The following CHM variants were observed in gnomAD, a reference collection of about 807,000 sequenced individuals.
CHM encodes the protein rab proteins geranylgeranyltransferase component A 1.
CHM carries 10 observed loss-of-function variants against 49.0 expected under a neutral mutation model. The ratio of observed to expected loss-of-function variants is 0.20; its 90% CI spans 0.13 to 0.35. CHM has a LOEUF of 0.35. Among genes scored for constraint, CHM ranks in the 10% least tolerant of loss-of-function variants. The pLI is 1.00. For missense variants in CHM, 455 were observed against 478.4 expected, an observed-to-expected ratio of 0.95 and a Z score of 0.46; for synonymous variants, 184 against 167.5, an observed-to-expected ratio of 1.10 and a Z score of -0.76.
At chrX:85,898,768 G>A (rs1474554059) in intron 11 of CHM, among the ~76,000 whole-genome samples, 1 of 111,904 alleles carries the variant, frequency 8.9e-6, no homozygotes, top group Non-Finnish European at 1.9e-5. Context: ...GCTCATACTT[G>A]TCACTCTGAA....
intron 12 of CHM, among the ~76,000 whole-genome samples, chrX:85,884,022 A>T (rs1177857832): frequency 1.8e-5 from 2 of 111,265 alleles, no homozygotes; most frequent in Non-Finnish European, 3.8e-5. Context: ...TTTACAAATG[A>T]CTTTAAAAGA....
chrX:85,912,672 C>T (rs1298774701), intron 8 of CHM, among the ~76,000 whole-genome samples: 1 of 111,223 alleles, frequency 9.0e-6, no homozygotes, highest in African/African-American at 3.3e-5. Context: ...GATCTTGAGA[C>T]TGGGAGATTA....
chrX:85,879,760 G>A (rs1341028941), intron 12 of CHM, among the ~76,000 whole-genome samples: 1 of 110,729 alleles, frequency 9.0e-6, no homozygotes, highest in Non-Finnish European at 1.9e-5. Context: ...TTGCAATAAA[G>A]GAGTAAAGGG....
chrX:86,022,138 C>T (rs1044526248), intron 2 of CHM, among the ~76,000 whole-genome samples: 2 of 111,756 alleles, frequency 1.8e-5, no homozygotes, highest in Non-Finnish European at 3.8e-5. Flanking sequence ...CTGAACACTG[C>T]TGAATTCTAT....
chrX:85,906,679 A>G (rs1171172921), intron 9 of CHM, among the ~76,000 whole-genome samples: 1 of 111,720 alleles, frequency 9.0e-6, no homozygotes, highest in African/African-American at 3.3e-5. Flanking sequence ...AACAACTAGC[A>G]CGGGGGTTGG....
chrX:85,956,435 C>T, intron 7 of CHM, 57 bp from the exon 8 acceptor site: 1 of 1,159,999 alleles, frequency 8.6e-7, no homozygotes. Context: ...TATTTAAAAC[C>T]ACCCCACAAA....
intron 1 of CHM, 73 bp from the exon 2 acceptor site, chrX:86,027,630 C>G: frequency 1.1e-6 from 1 of 873,920 alleles, no homozygotes; most frequent in Non-Finnish European, 1.7e-6. Context: ...TCAATACATG[C>G]CATTGCTGTA....
At chrX:85,872,031 CTGAATA>C (rs1182671518) in intron 14 of CHM, among the ~76,000 whole-genome samples, 1 of 111,580 alleles carries the variant, frequency 9.0e-6, no homozygotes, top group Admixed American at 9.6e-5. Flanking sequence ...GTGTCACTGG[CTGAATA>C]TGATTATCCA....
intron 1 of CHM, among the ~76,000 whole-genome samples, chrX:86,030,099 C>CA (rs1337913580): frequency 8.9e-6 from 1 of 112,241 alleles, no homozygotes; most frequent in East Asian, 2.8e-4. Flanking sequence ...GGCAGTTATA[C>CA]ACGTGGTTAT....
At chrX:85,934,138 A>G (rs1928615205) in intron 8 of CHM, among the ~76,000 whole-genome samples, 2 of 109,002 alleles carry the variant, frequency 1.8e-5, no homozygotes, top group Non-Finnish European at 3.8e-5. Flanking sequence ...CTGCCACTAC[A>G]CCAGTTTAAT....
chrX:85,985,384 T>C (rs768909153), intron 2 of CHM, among the ~76,000 whole-genome samples: 4 of 112,001 alleles, frequency 3.6e-5, no homozygotes, highest in Non-Finnish European at 7.5e-5. Flanking sequence ...CCTGCCAGTG[T>C]TCTCTGGCCA....
chrX:85,978,961 T>C, intron 3 of CHM, 70 bp from the exon 4 acceptor site: 22 of 1,065,367 alleles, frequency 2.1e-5, no homozygotes, highest in Non-Finnish European at 2.8e-5. Flanking sequence ...TCTGAGAAAA[T>C]TTACCTCTTG....
At chrX:85,911,947 G>A (rs1344723211) in intron 8 of CHM, among the ~76,000 whole-genome samples, 1 of 111,039 alleles carries the variant, frequency 9.0e-6, no homozygotes, top group Non-Finnish European at 1.9e-5. Flanking sequence ...AAACAAGGCA[G>A]TAAGTAGGAA....
chrX:85,923,886 C>T lies in CHM; in HGVS notation c.1167-12548G>A, dbSNP rs763097890. Reference sequence around the variant, plus strand: ...CCACATGAAAGGGTGGAAGAACATTCCAAGCAGAAAGAAAATGAAATTTCA... The same window carrying T: ...CCACATGAAAGGGTGGAAGAACATTTCAAGCAGAAAGAAAATGAAATTTCA... On this transcript the variant is annotated intron_variant, in intron 8 of 14. Coordinates refer to ENST00000357749, the MANE Select transcript of CHM (RefSeq NM_000390.4). Among the ~76,000 whole-genome samples, 27 of 110,352 alleles carry T rather than the reference C, an allele frequency of 2.4e-4. 1 individual carries two copies. The highest frequency in any genetic ancestry group is 4.7e-3 in the Middle Eastern group (1 of 214).
Position 85,963,702 on chromosome X carries a change from T to G in CHM, c.665A>C (p.Lys222Thr), listed in dbSNP as rs898567327. 2.5e-6 allele frequency: 3 copies of G among 1,200,998 alleles called. No homozygotes were observed. In the African/African-American group the frequency reaches 5.3e-5, roughly 21 times the overall value. The change falls in exon 5 of 15, where the codon AAA (lysine) becomes ACA (threonine). Residue 222 changes from lysine (K) to threonine (T), a missense_variant. Lys to Thr is a moderately conservative substitution (Grantham distance 78). Coordinates refer to ENST00000357749, the MANE Select transcript of CHM (RefSeq NM_000390.4). ...KNRITYSQII[K>T]EGRRFNIDLV... The stretch of plus-strand genomic sequence containing the variant: ...ATCAATATTAAATCTCCTGCCTTCT[T>G]TAATAATTTGTGAGTAAGTAATTCT...
chrX:86,041,970 T>C (rs1484204560), intron 1 of CHM, among the ~76,000 whole-genome samples: 1 of 109,271 alleles, frequency 9.2e-6, no homozygotes, highest in Non-Finnish European at 1.9e-5. Context: ...CATTCAGGCA[T>C]CCTGGGAGAA....
chrX:86,023,754 C>T (rs971680360), intron 2 of CHM, among the ~76,000 whole-genome samples: 12 of 111,086 alleles, frequency 1.1e-4, no homozygotes, highest in African/African-American at 2.3e-4. Flanking sequence ...TCTCTAACAA[C>T]GGCTATTTAT....
chrX:85,912,748 C>T (rs1016133476), intron 8 of CHM, among the ~76,000 whole-genome samples: 13 of 111,417 alleles, frequency 1.2e-4, no homozygotes, highest in Non-Finnish European at 2.4e-4. Flanking sequence ...AGCAGAGGCT[C>T]ACACCTGTAA....
At chrX:85,986,466 G>A (rs756289064) in intron 2 of CHM, among the ~76,000 whole-genome samples, 23 of 111,235 alleles carry the variant, frequency 2.1e-4, no homozygotes, top group African/African-American at 4.3e-4. Context: ...GAAACATAGC[G>A]GAGGCACACA....
Sources: gnomAD v4.1 joint callset for allele counts (sites outside exome capture counted in the v4.1 genomes callset) on GRCh38, gnomAD v4.1.1 for gene constraint, MANE v1.5 for transcripts, NCBI Gene and HGNC (gene_info 2026-07-23, HGNC 2026-07-21) for gene names.